MAPKAP1: variants seen among roughly 807,000 people sequenced by gnomAD.
The protein encoded by MAPKAP1 is MAPK associated protein 1.
In MAPKAP1, 20 loss-of-function variants were observed where a neutral mutation model predicts 65.7. That is an observed-to-expected ratio of 0.30 (90% confidence interval 0.21 to 0.44). The LOEUF is 0.44. MAPKAP1 is among the 20% of genes least tolerant of loss of function. The pLI is 1.00. For missense variants in MAPKAP1, 423 were observed against 648.0 expected, an observed-to-expected ratio of 0.65 and a Z score of 3.77; for synonymous variants, 222 against 244.3, an observed-to-expected ratio of 0.91 and a Z score of 0.85.
intron 8 of MAPKAP1, among the ~76,000 whole-genome samples, chr9:125,488,666 T>C (rs1854585807): frequency 6.6e-6 from 1 of 152,166 alleles, no homozygotes; most frequent in Non-Finnish European, 1.5e-5. Flanking sequence ...TTTCTCAAAG[T>C]AGGCTCAGGA....
chr9:125,678,377 AG>A (rs1169411297), intron 1 of MAPKAP1, among the ~76,000 whole-genome samples: 4 of 151,322 alleles, frequency 2.6e-5, no homozygotes, highest in Non-Finnish European at 5.9e-5. Flanking sequence ...TGAGTAGCTA[AG>A]ACTACAGGCG....
Position 125,669,838 on chromosome 9 carries a change from T to C in MAPKAP1, c.329A>G (p.Glu110Gly). ...TTTACCTGATTGCTTAGAATTTCTT[T>C]CTTTCCACTGAATATTTTTGCATTT... ...QIKCKNIQWKERNSKQSAQEL... is the reference protein window; with the variant it reads ...QIKCKNIQWKGRNSKQSAQEL... Residue 110 changes from glutamate (E) to glycine (G), a missense_variant, in exon 3 of 12, where the codon GAA becomes GGA. Glu to Gly is a moderately conservative substitution (Grantham distance 98). Coordinates refer to ENST00000265960, the MANE Select transcript of MAPKAP1 (RefSeq NM_001006617.3). The C allele has an allele frequency of 6.3e-7, 1 of 1,577,442 alleles. No homozygotes were observed. The highest frequency in any genetic ancestry group is 8.7e-7 in the Non-Finnish European group (1 of 1,153,864).
chr9:125,474,908 T>C (rs1854048349), intron 9 of MAPKAP1, among the ~76,000 whole-genome samples: 1 of 152,144 alleles, frequency 6.6e-6, no homozygotes. Flanking sequence ...CGAGAGCCTA[T>C]GAAAGCCTGG....
At chr9:125,548,448 G>A (rs143134121) in intron 6 of MAPKAP1, among the ~76,000 whole-genome samples, 179 of 152,288 alleles carry the variant, frequency 1.2e-3, no homozygotes, top group Admixed American at 2.1e-3. Context: ...TAGGAGAGAC[G>A]GTGGCAGCAC....
chr9:125,647,877 G>C (rs1037513288), intron 4 of MAPKAP1, among the ~76,000 whole-genome samples: 4 of 151,400 alleles, frequency 2.6e-5, no homozygotes, highest in African/African-American at 9.7e-5. Context: ...ACAAACATTT[G>C]TGAGGCACAC....
At chr9:125,488,486 C>T (rs1854578581) in intron 8 of MAPKAP1, among the ~76,000 whole-genome samples, 1 of 152,240 alleles carries the variant, frequency 6.6e-6, no homozygotes, top group Non-Finnish European at 1.5e-5. Flanking sequence ...CTGCCTCAGC[C>T]TCCCAGGTAG....
intron 7 of MAPKAP1, among the ~76,000 whole-genome samples, chr9:125,506,844 G>A (rs1165421404): frequency 1.3e-5 from 2 of 152,136 alleles, no homozygotes; most frequent in Admixed American, 6.5e-5. Context: ...GGAGGCAAAG[G>A]TATTTATTAA....
chr9:125,559,858 CAAG>C (rs771016326), intron 5 of MAPKAP1, 49 bp from the exon 6 acceptor site: 8 of 1,561,014 alleles, frequency 5.1e-6, no homozygotes, highest in South Asian at 1.2e-5. Flanking sequence ...AGGGAAGGGA[CAAG>C]AAGACCAGAG....
rs7864593 is a variant in MAPKAP1 at position 125,438,819 on chromosome 9, A to C, written c.*68T>G. The C allele has an allele frequency of 6.2e-7, 1 of 1,604,514 alleles. No individual in the cohort carries two copies. Among genetic ancestry groups the C allele is most frequent in the African/African-American group, 1.3e-5 (1 of 74,744 alleles). ...CCGAGGACTTCAGGACACCGGGTGG[A>C]CTCTAGGGCACTTGGCCCTGGCAGG... On this transcript the variant is annotated 3_prime_UTR_variant, in exon 12 of 12. Coordinates refer to ENST00000265960, the MANE Select transcript of MAPKAP1 (RefSeq NM_001006617.3).
chr9:125,658,359 G>A (rs73667029), intron 3 of MAPKAP1, among the ~76,000 whole-genome samples: 1 of 152,170 alleles, frequency 6.6e-6, no homozygotes, highest in Non-Finnish European at 1.5e-5. Context: ...AACATTTATT[G>A]CTGCTCGGCC....
rs370360999 is a variant in MAPKAP1 at position 125,664,316 on chromosome 9, C to T, written c.349+5502G>A. ...GAGCCGAGATCATGCTACTGCACTC[C>T]AGCCTGGGCAATAAGAGTAAAACTC... On this transcript the variant is annotated intron_variant, in intron 3 of 11. Transcript: ENST00000265960. Among the ~76,000 whole-genome samples the T allele has an allele frequency of 2.6e-5, 4 of 151,312 alleles. No homozygotes were observed. In the East Asian group the frequency reaches 7.8e-4, roughly 29 times the overall value.
chr9:125,456,690 G>C (rs527383475), intron 10 of MAPKAP1, among the ~76,000 whole-genome samples: 1 of 152,314 alleles, frequency 6.6e-6, no homozygotes, highest in East Asian at 1.9e-4. Flanking sequence ...TTGGAGAACT[G>C]AGGGTGTTCC....
At chr9:125,451,448 T>C (rs1852945398) in intron 10 of MAPKAP1, among the ~76,000 whole-genome samples, 1 of 152,196 alleles carries the variant, frequency 6.6e-6, no homozygotes, top group Admixed American at 6.5e-5. Context: ...GGTTTGCCCT[T>C]GGGTTTTAGT....
intron 3 of MAPKAP1, 45 bp downstream of exon 3, chr9:125,669,773 A>G: frequency 2.0e-6 from 2 of 1,019,788 alleles, no homozygotes; most frequent in Non-Finnish European, 2.9e-6. Context: ...ATAATAAACT[A>G]AATATATAAA....
At chr9:125,488,311 G>A (rs10819051) in intron 8 of MAPKAP1, among the ~76,000 whole-genome samples, 3,057 of 152,258 alleles carry the variant, frequency 0.02, 167 homozygotes, top group East Asian at 0.14. Context: ...TCCAAAGCAG[G>A]TTATCTGATG....
intron 4 of MAPKAP1, among the ~76,000 whole-genome samples, chr9:125,650,685 G>A (rs947048054): frequency 6.6e-6 from 1 of 152,200 alleles, no homozygotes; most frequent in African/African-American, 2.4e-5. Context: ...CCACAGACTG[G>A]CAAGGTTCAC....
intron 7 of MAPKAP1, among the ~76,000 whole-genome samples, chr9:125,542,315 CTTTT>C (rs1458196967): frequency 6.6e-6 from 1 of 152,154 alleles, no homozygotes; most frequent in African/African-American, 2.4e-5. Flanking sequence ...CCCAGCAATG[CTTTT>C]TTTCCTTTCC....
intron 5 of MAPKAP1, among the ~76,000 whole-genome samples, chr9:125,564,788 A>G (rs1830998563): frequency 6.6e-6 from 1 of 152,192 alleles, no homozygotes; most frequent in South Asian, 2.1e-4. Context: ...AAGCTGGATT[A>G]ACTATCTCAC....
chr9:125,447,603 T>C lies in MAPKAP1; in HGVS notation c.1346-3005A>G. On this transcript the variant is annotated intron_variant, in intron 10 of 11. Transcript: ENST00000265960. The surrounding 1 kb of genome is among the most constrained non-coding windows in gnomAD (Gnocchi z 4.5). Reference sequence around the variant, plus strand: ...CCCCTCGCTAGCAGCCCTGTTTCGCTGGGCGGCCAGAAGGGCAGTTTTCCT... The same window carrying C: ...CCCCTCGCTAGCAGCCCTGTTTCGCCGGGCGGCCAGAAGGGCAGTTTTCCT... 1 of 413,512 alleles carries C rather than the reference T, an allele frequency of 2.4e-6. No homozygotes were observed. The highest frequency in any genetic ancestry group is 2.5e-5 in the Admixed American group (1 of 39,508). 25.6% of individuals were successfully genotyped at this position (413,512 alleles called of 1,614,324 possible). A position where few individuals can be genotyped will look rare whatever the true frequency, so the allele number is the denominator to read the frequency against.
Sources: gnomAD v4.1 joint callset for allele counts (sites outside exome capture counted in the v4.1 genomes callset) on GRCh38, gnomAD v4.1.1 for gene constraint, Gnocchi (gnomAD v3.1) non-coding constraint, MANE v1.5 for transcripts, NCBI Gene and HGNC (gene_info 2026-07-23, HGNC 2026-07-21) for gene names.